HOXD12: variants seen among roughly 807,000 people sequenced by gnomAD.
The protein encoded by HOXD12 is homeobox D12, also known as homeobox protein Hox-D12.
In HOXD12, 21 loss-of-function variants were observed where a neutral mutation model predicts 20.2. That is an observed-to-expected ratio of 1.04 (90% CI 0.74 to 1.50). The LOEUF is 1.50. Ranked by LOEUF, HOXD12 falls within the 40% of genes most tolerant of loss-of-function variation. HOXD12 has a pLI of 0.00. For missense variants in HOXD12, 472 were observed against 365.5 expected (o/e 1.29, Z -2.38); for synonymous variants, 196 against 168.8 (o/e 1.16, Z -1.25).
rs756985698 is a variant in HOXD12 at position 176,100,446 on chromosome 2, G to A, written c.574+71G>A. ...AGGTGGGGTTCAAGGGAGAGTGTAA[G>A]GGGAGGTGAACCGCCTGGGGGCGGG... is the stretch of plus-strand genomic sequence containing the variant. On this transcript the variant is annotated intron_variant, in intron 1 of 1. Coordinates refer to ENST00000406506, the MANE Select transcript of HOXD12 (RefSeq NM_021193.4). 3 of 1,597,252 alleles carry A rather than the reference G, an allele frequency of 1.9e-6. No individual in the cohort carries two copies. In the Admixed American group the frequency reaches 5.1e-5, roughly 27 times the overall value.
Position 176,100,288 on chromosome 2 carries a change from A to C in HOXD12, c.487A>C (p.Lys163Gln). The change falls in exon 1 of 2, where the codon AAG (lysine) becomes CAG (glutamine). Residue 163 changes from lysine to glutamine, a missense_variant. By Grantham distance (53) the Lys-to-Gln change is moderately conservative (BLOSUM62 1). Coordinates refer to ENST00000406506, the MANE Select transcript of HOXD12 (RefSeq NM_021193.4). The part of the protein sequence containing the change: ...LQGAPCAPGF[K>Q]DDTKGPLNLN... ...GGGGGCTCCCTGCGCCCCTGGCTTC[A>C]AGGACGACACCAAGGGCCCGCTCAA... 6.2e-7 allele frequency: 1 copy of C among 1,612,600 alleles called. No individual in the cohort carries two copies. Among genetic ancestry groups the C allele is most frequent in the South Asian group, 1.1e-5 (1 of 91,088 alleles).
Position 176,099,969 on chromosome 2 carries a change from C to T in HOXD12, c.168C>T (p.Ala56=), listed in dbSNP as rs370337563. Reference sequence around the variant, plus strand: ...CGCTGCCCTGGGCCGCCACGCCCGCCTCCTGCGCCCCCGCGCAGCCTGCGG... The same window carrying T: ...CGCTGCCCTGGGCCGCCACGCCCGCTTCCTGCGCCCCCGCGCAGCCTGCGG... ...RGALPWAATP[A]SCAPAQPAGA... The change falls in exon 1 of 2, where the codon GCC becomes GCT. Residue 56 remains alanine (A), a synonymous_variant. Coordinates refer to ENST00000406506, the MANE Select transcript of HOXD12 (RefSeq NM_021193.4). The T allele has an allele frequency of 6.8e-5, 109 of 1,598,730 alleles. 1 individual carries two copies. In the East Asian group the frequency reaches 1.5e-3, roughly 21 times the overall value.
At position 176,100,642 on chromosome 2, in the gene HOXD12, G is replaced by A. The variant is rs370854190; in HGVS notation, c.695G>A (p.Arg232His). The A allele has an allele frequency of 1.6e-5, 26 of 1,613,554 alleles. No homozygotes were observed. The highest frequency in any genetic ancestry group is 2.0e-5 in the Non-Finnish European group (24 of 1,179,680). ...AACGAATTCATCAACAGGCAGAAAC[G>A]CAAGGAATTGTCCAATAGGCTGAAC... ...LVNEFINRQK[R>H]KELSNRLNLS... is the part of the protein sequence containing the mutation. The change falls in exon 2 of 2, where the codon CGC becomes CAC. Residue 232 changes from arginine (R) to histidine (H), a missense_variant. Physicochemically the swap from Arg to His is conservative, Grantham distance 29 (BLOSUM62 0). Coordinates refer to ENST00000406506, the MANE Select transcript of HOXD12 (RefSeq NM_021193.4).
chr2:176,101,070 C>G lies in HOXD12; in HGVS notation c.*310C>G, dbSNP rs529114278. On this transcript the variant is annotated 3_prime_UTR_variant, in exon 2 of 2. Coordinates refer to ENST00000406506, the MANE Select transcript of HOXD12 (RefSeq NM_021193.4). Reference sequence around the variant, plus strand: ...TTTGCACCCACCGCTCATTCTTGCTCCCCGGTACCTGGATTTTTCTGTTTC... The same window carrying G: ...TTTGCACCCACCGCTCATTCTTGCTGCCCGGTACCTGGATTTTTCTGTTTC... The G allele has an allele frequency of 2.9e-5, 14 of 477,440 alleles. No homozygotes were observed. The highest frequency in any genetic ancestry group is 4.9e-5 in the Non-Finnish European group (13 of 267,968). 29.6% of individuals were successfully genotyped at this position (477,440 alleles called of 1,614,324 possible). A position where few individuals can be genotyped will look rare whatever the true frequency, so the allele number is the denominator to read the frequency against.
Position 176,100,928 on chromosome 2 carries a change from C to A in HOXD12, c.*168C>A. The stretch of plus-strand genomic sequence containing the variant: ...CAGGCCAGTTGGGCCTCCTTGCTTT[C>A]CTCAGTCCCTGAGAAGCCCGTGAGA... On this transcript the variant is annotated 3_prime_UTR_variant, in exon 2 of 2. Transcript: ENST00000406506. 1.6e-6 allele frequency: 1 copy of A among 613,042 alleles called. No individual in the cohort carries two copies. Among genetic ancestry groups the A allele is most frequent in the Non-Finnish European group, 2.9e-6 (1 of 345,644 alleles). 38.0% of individuals were successfully genotyped at this position (613,042 alleles called of 1,614,324 possible).
chr2:176,100,857 G>C lies in HOXD12; in HGVS notation c.*97G>C. On this transcript the variant is annotated 3_prime_UTR_variant, in exon 2 of 2. Transcript: ENST00000406506. ...GGGCTAAGGCTAAGGCTTTTCCTTC[G>C]GTTCCTTCTCTGCTGGCCCCAGAAG... is the stretch of plus-strand genomic sequence containing the variant. The C allele has an allele frequency of 1.2e-6, 1 of 827,654 alleles. No individual in the cohort carries two copies. The highest frequency in any genetic ancestry group is 2.0e-6 in the Non-Finnish European group (1 of 511,448). 51.3% of individuals were successfully genotyped at this position (827,654 alleles called of 1,614,324 possible). A position where few individuals can be genotyped will look rare whatever the true frequency, so the allele number is the denominator to read the frequency against.
Position 176,100,793 on chromosome 2 carries a change from C to T in HOXD12, c.*33C>T. 7.0e-7 allele frequency: 1 copy of T among 1,436,434 alleles called. No homozygotes were observed. Among genetic ancestry groups the T allele is most frequent in the Non-Finnish European group, 9.8e-7 (1 of 1,025,136 alleles). 89.0% of individuals were successfully genotyped at this position (1,436,434 alleles called of 1,614,324 possible). A position where few individuals can be genotyped will look rare whatever the true frequency, so the allele number is the denominator to read the frequency against. On this transcript the variant is annotated 3_prime_UTR_variant, in exon 2 of 2. Coordinates refer to ENST00000406506, the MANE Select transcript of HOXD12 (RefSeq NM_021193.4). ...CGTGGCCAGGGCCGGGTTGGATCTG[C>T]CCTTTTGGACAGAGGCCTTGTTTGG...
Position 176,100,766 on chromosome 2 carries a change from C to T in HOXD12, c.*6C>T. 2 of 1,603,342 alleles carry T rather than the reference C, an allele frequency of 1.2e-6. No homozygotes were observed. Among genetic ancestry groups the T allele is most frequent in the African/African-American group, 1.3e-5 (1 of 74,802 alleles). On this transcript the variant is annotated 3_prime_UTR_variant, in exon 2 of 2. Coordinates refer to ENST00000406506, the MANE Select transcript of HOXD12 (RefSeq NM_021193.4). ...AGGCGCTGGCGCTCTACTAGCCGCG[C>T]GCGTGGCCAGGGCCGGGTTGGATCT...
At position 176,102,268 on chromosome 2, in the gene HOXD12, G is replaced by T. The variant is rs1393314094; in HGVS notation, c.*1508G>T. 6.6e-6 allele frequency among the ~76,000 whole-genome samples: 1 copy of T among 152,184 alleles called. No individual in the cohort carries two copies. Among genetic ancestry groups the T allele is most frequent in the African/African-American group, 2.4e-5 (1 of 41,442 alleles). ...CCCAAAGTCCAGTGATTTCTTTTCA[G>T]TGCAGGACCTGGCCCTAAATCTGGA... is the stretch of plus-strand genomic sequence containing the variant. On this transcript the variant is annotated 3_prime_UTR_variant, in exon 2 of 2. Transcript: ENST00000406506.
In HOXD12 at chr2:176,101,213, T is replaced by G. The variant is rs1328338792; in HGVS notation, c.*453T>G. ...GAATGGAAAGGACTGTGGGTACAAT[T>G]AGGTCTCTGCAGCAGAAGCCCTTTG... On this transcript the variant is annotated 3_prime_UTR_variant, in exon 2 of 2. Transcript: ENST00000406506. 5.4e-6 allele frequency: 1 copy of G among 183,822 alleles called. No individual in the cohort carries two copies. Among genetic ancestry groups the G allele is most frequent in the East Asian group, 1.5e-4 (1 of 6,854 alleles). 11.4% of individuals were successfully genotyped at this position (183,822 alleles called of 1,614,324 possible).
In HOXD12 at chr2:176,100,604, C is replaced by G. The variant is rs535102738; in HGVS notation, c.657C>G (p.Asn219Lys). 11 of 1,613,110 alleles carry G rather than the reference C, an allele frequency of 6.8e-6. No individual in the cohort carries two copies. The highest frequency in any genetic ancestry group is 6.6e-5 in the South Asian group (6 of 90,890). Residue 219 changes from asparagine (N) to lysine (K), a missense_variant, in exon 2 of 2, where the codon AAC becomes AAG. Transcript: ENST00000406506. ...AGCAGCAGATTGCGGAGTTGGAGAA[C>G]GAATTCCTCGTCAACGAATTCATCA... ...YTKQQIAELE[N>K]EFLVNEFINR...
chr2:176,100,775 A>C lies in HOXD12; in HGVS notation c.*15A>C. 6.3e-7 allele frequency: 1 copy of C among 1,586,788 alleles called. No individual in the cohort carries two copies. The highest frequency in any genetic ancestry group is 8.6e-7 in the Non-Finnish European group (1 of 1,157,378). On this transcript the variant is annotated 3_prime_UTR_variant, in exon 2 of 2. Coordinates refer to ENST00000406506, the MANE Select transcript of HOXD12 (RefSeq NM_021193.4). ...CGCTCTACTAGCCGCGCGCGTGGCCAGGGCCGGGTTGGATCTGCCCTTTTG... is the reference window on the plus strand; with the variant it reads ...CGCTCTACTAGCCGCGCGCGTGGCCCGGGCCGGGTTGGATCTGCCCTTTTG...
Sources: gnomAD v4.1 joint callset for allele counts (sites outside exome capture counted in the v4.1 genomes callset) on GRCh38, gnomAD v4.1.1 for gene constraint, MANE v1.5 for transcripts, NCBI Gene and HGNC (gene_info 2026-07-23, HGNC 2026-07-21) for gene names.